Variants in ALK observed in about 807,000 individuals in gnomAD.
The protein encoded by ALK is ALK receptor tyrosine kinase.
In ALK, 74 loss-of-function variants were observed where a neutral mutation model predicts 163.1. The observed-to-expected ratio is 0.45, with a 90% confidence interval of 0.38 to 0.55. ALK has a LOEUF of 0.55. Among genes scored for constraint, ALK ranks in the 20% least tolerant of loss-of-function variants. ALK has a pLI of 0.00. For missense variants in ALK, 2,063 were observed against 2,105.3 expected (o/e 0.98, Z 0.39); for synonymous variants, 960 against 843.2 (o/e 1.14, Z -2.40).
At chr2:29,276,464 T>C (rs983611545) in intron 9 of ALK, among the ~76,000 whole-genome samples, 1 of 152,148 alleles carries the variant, frequency 6.6e-6, no homozygotes. Flanking sequence ...CTGCTCTAAG[T>C]GAAGGTTTCC....
chr2:29,579,502 ATT>A (rs1278193422), intron 3 of ALK, among the ~76,000 whole-genome samples: 1 of 152,166 alleles, frequency 6.6e-6, no homozygotes, highest in Admixed American at 6.5e-5. Context: ...CTAGACTTTG[ATT>A]TTTATGTGCA....
intron 1 of ALK, among the ~76,000 whole-genome samples, chr2:29,814,813 T>G (rs1664852996): frequency 6.6e-6 from 1 of 150,692 alleles, no homozygotes. Context: ...CTAATCCCTA[T>G]TCACAGGATT....
chr2:29,195,652 T>G (rs1005452267), intron 28 of ALK, among the ~76,000 whole-genome samples: 1 of 152,172 alleles, frequency 6.6e-6, no homozygotes, highest in Non-Finnish European at 1.5e-5. Flanking sequence ...GGAGAATCGC[T>G]TGAACCCGGG....
chr2:29,417,401 C>G (rs1021931756), intron 4 of ALK, among the ~76,000 whole-genome samples: 2 of 152,142 alleles, frequency 1.3e-5, no homozygotes, highest in African/African-American at 4.8e-5. Flanking sequence ...CTTGAGCTAT[C>G]CTGAGAGCCA....
intron 1 of ALK, among the ~76,000 whole-genome samples, chr2:29,816,286 G>A (rs1664895471): frequency 6.6e-6 from 1 of 152,152 alleles, no homozygotes; most frequent in South Asian, 2.1e-4. Context: ...GTGGTTCTGA[G>A]CAAGCTCTTC....
At chr2:29,226,854 C>T (rs1332605432) in intron 18 of ALK, 68 bp downstream of exon 18, 2 of 1,598,512 alleles carry the variant, frequency 1.3e-6, no homozygotes, top group African/African-American at 2.7e-5. Context: ...AACCCAGAAA[C>T]CATTTGTGGT....
At chr2:29,778,297 A>G (rs1681234755) in intron 1 of ALK, among the ~76,000 whole-genome samples, 1 of 152,116 alleles carries the variant, frequency 6.6e-6, no homozygotes, top group Admixed American at 6.5e-5. Flanking sequence ...CTTCAGCATC[A>G]CTCTGACCTC....
chr2:29,772,439 A>G (rs1415157753), intron 1 of ALK, among the ~76,000 whole-genome samples: 1 of 152,224 alleles, frequency 6.6e-6, no homozygotes, highest in Admixed American at 6.5e-5. Flanking sequence ...CTCTATTGGA[A>G]GAGTGAAGAG....
At chr2:29,824,962 T>C (rs970265721) in intron 1 of ALK, among the ~76,000 whole-genome samples, 1 of 152,172 alleles carries the variant, frequency 6.6e-6, no homozygotes, top group African/African-American at 2.4e-5. Flanking sequence ...TTCCACGTAT[T>C]GTGGGAAGGA....
At chr2:29,650,441 G>A (rs1204496600) in intron 3 of ALK, among the ~76,000 whole-genome samples, 1 of 152,074 alleles carries the variant, frequency 6.6e-6, no homozygotes, top group Non-Finnish European at 1.5e-5. Flanking sequence ...ATGGAAAAGG[G>A]TAACTCTCTT....
chr2:29,824,789 T>C (rs1572410094), intron 1 of ALK, among the ~76,000 whole-genome samples: 1 of 151,346 alleles, frequency 6.6e-6, no homozygotes, highest in Middle Eastern at 3.4e-3. Context: ...TCAGATGAGA[T>C]GTTGAACTGT....
chr2:29,243,109 A>G (rs1173767140), intron 12 of ALK, among the ~76,000 whole-genome samples: 2 of 152,184 alleles, frequency 1.3e-5, no homozygotes, highest in Non-Finnish European at 2.9e-5. Flanking sequence ...ACAGGTAGAA[A>G]AGCAAGGGCT....
intron 1 of ALK, among the ~76,000 whole-genome samples, chr2:29,773,805 ATTAAT>A (rs1320322943): frequency 6.6e-6 from 1 of 152,196 alleles, no homozygotes; most frequent in East Asian, 1.9e-4. Context: ...AGAGGAAGAG[ATTAAT>A]TTAGAATCGT....
At chr2:29,910,686 G>A (rs1025977733) in intron 1 of ALK, among the ~76,000 whole-genome samples, 5 of 152,192 alleles carry the variant, frequency 3.3e-5, no homozygotes, top group Non-Finnish European at 5.9e-5. Context: ...TGCAAACCAT[G>A]TAACAATGGA....
intron 1 of ALK, among the ~76,000 whole-genome samples, chr2:29,847,726 C>T (rs1465876503): frequency 1.3e-5 from 2 of 149,716 alleles, no homozygotes; most frequent in East Asian, 2.0e-4. Context: ...CGTTTATAAA[C>T]TTTATAGAAT....
rs141744050 is a variant in ALK, at chr2:29,687,041, C to T, written c.952+7809G>A. On this transcript the variant is annotated intron_variant, in intron 3 of 28. Coordinates refer to ENST00000389048, the MANE Select transcript of ALK (RefSeq NM_004304.5). Reference sequence around the variant, plus strand: ...GGCTTTCCTGGTGAATTCCAAAAGACGGGCAGAGATAGAAGGCCACACATC... The same window carrying T: ...GGCTTTCCTGGTGAATTCCAAAAGATGGGCAGAGATAGAAGGCCACACATC... Among the ~76,000 whole-genome samples the T allele has an allele frequency of 3.2e-3, 481 of 152,000 alleles. 2 individuals carry two copies. The highest frequency in any genetic ancestry group is 4.0e-3 in the Non-Finnish European group (272 of 67,976).
chr2:29,734,439 T>G (rs750610410), intron 1 of ALK, among the ~76,000 whole-genome samples: 27 of 152,114 alleles, frequency 1.8e-4, no homozygotes, highest in Non-Finnish European at 3.2e-4. Context: ...AGATCATTAA[T>G]CAGATGGCAC....
At chr2:29,765,669 C>T (rs777086422) in intron 1 of ALK, among the ~76,000 whole-genome samples, 23 of 151,660 alleles carry the variant, frequency 1.5e-4, no homozygotes, top group Non-Finnish European at 8.8e-5. Context: ...AAATGCATGT[C>T]AATTTTAAAA....
chr2:29,774,013 T>G, intron 1 of ALK, among the ~76,000 whole-genome samples: 1 of 152,184 alleles, frequency 6.6e-6, no homozygotes, highest in Non-Finnish European at 1.5e-5. Flanking sequence ...ATAAGACCCT[T>G]GCCCATCGAT....
Sources: allele counts gnomAD v4.1 joint callset (sites outside exome capture counted in the v4.1 genomes callset), GRCh38; gene constraint gnomAD v4.1.1; transcripts MANE v1.5; gene names NCBI Gene and HGNC (gene_info 2026-07-23, HGNC 2026-07-21).